The following LPAR1 variants were observed in gnomAD, a reference collection of about 807,000 sequenced individuals.
LPAR1 encodes LPA receptor 1.
In LPAR1, 5 loss-of-function variants were observed where a neutral mutation model predicts 23.8. That is an observed-to-expected ratio of 0.21 (90% CI 0.11 to 0.44). The LOEUF (loss-of-function observed/expected upper bound fraction) is 0.44, where lower values mean the gene tolerates loss of function less well. Ranked by LOEUF, LPAR1 falls within the 20% of genes least tolerant of loss-of-function variation. The pLI is 0.99. For missense variants in LPAR1, 311 were observed against 482.8 expected (o/e 0.64, Z 3.33); for synonymous variants, 160 against 164.7 (o/e 0.97, Z 0.22).
rs530637255 is a variant in LPAR1 at position 110,995,163 on chromosome 9, C to T, written c.-181-21605G>A. On this transcript the variant is annotated intron_variant, in intron 2 of 5. Coordinates refer to ENST00000683809, the MANE Select transcript of LPAR1 (RefSeq NM_001351411.2). ...TGGTACATTATGAAATTTCTTCTGC[C>T]TACCAGTGAGACTAATCTCTTCCAG... 9.2e-5 allele frequency among the ~76,000 whole-genome samples: 14 copies of T among 152,224 alleles called. No homozygotes were observed. The South Asian group carries it at 2.9e-3, about 32-fold the overall frequency.
At chr9:110,888,586 C>T (rs1282039943) in intron 5 of LPAR1, among the ~76,000 whole-genome samples, 1 of 149,902 alleles carries the variant, frequency 6.7e-6, no homozygotes, top group Non-Finnish European at 1.5e-5. Flanking sequence ...AAAAAATCTG[C>T]CTTCATTGAG....
chr9:110,897,247 G>A (rs7029314), intron 5 of LPAR1, among the ~76,000 whole-genome samples: 41,113 of 151,952 alleles, frequency 0.27, 8,500 homozygotes, highest in African/African-American at 0.58. Context: ...GGTCTTGCCC[G>A]TGCTGTTCTC....
chr9:110,977,486 T>A (rs1244304150), intron 2 of LPAR1, among the ~76,000 whole-genome samples: 1 of 152,198 alleles, frequency 6.6e-6, no homozygotes, highest in Non-Finnish European at 1.5e-5. Flanking sequence ...AAACTTCCCT[T>A]TGATTACTTC....
chr9:110,930,899 G>C (rs891014724), intron 5 of LPAR1, among the ~76,000 whole-genome samples: 1 of 152,046 alleles, frequency 6.6e-6, no homozygotes, highest in African/African-American at 2.4e-5. Flanking sequence ...TGGGCAACAA[G>C]AGCGAAATTC....
At chr9:110,942,207 A>G (rs1446381758) in intron 4 of LPAR1, 39 bp from the exon 5 acceptor site, 1 of 1,556,368 alleles carries the variant, frequency 6.4e-7, no homozygotes, top group Non-Finnish European at 8.7e-7. Context: ...AAAAGAAGGC[A>G]CAGGTCCAAA....
intron 5 of LPAR1, among the ~76,000 whole-genome samples, chr9:110,938,212 C>G (rs139362902): frequency 6.6e-6 from 1 of 152,296 alleles, no homozygotes; most frequent in East Asian, 1.9e-4. Flanking sequence ...AAGACAAATA[C>G]TAAAAACCAA....
intron 3 of LPAR1, among the ~76,000 whole-genome samples, 154 bp from the exon 4 acceptor site, chr9:110,972,374 A>G (rs1038601436): frequency 2.0e-5 from 3 of 152,190 alleles, no homozygotes; most frequent in African/African-American, 4.8e-5. Flanking sequence ...GCTAAGGTCT[A>G]AAAGCCACGA....
chr9:110,916,908 CT>C (rs78208410), intron 5 of LPAR1, among the ~76,000 whole-genome samples: 1,740 of 135,692 alleles, frequency 0.013, 17 homozygotes, highest in African/African-American at 0.031. Context: ...AAAATAAAGT[CT>C]TTTTTTTTTT....
At chr9:110,903,093 T>C (rs146017859) in intron 5 of LPAR1, among the ~76,000 whole-genome samples, 3 of 152,268 alleles carry the variant, frequency 2.0e-5, no homozygotes, top group East Asian at 1.9e-4. Flanking sequence ...CCTAACAGCA[T>C]AGCCAAATTC....
At chr9:111,015,639 C>T (rs2097429131) in intron 2 of LPAR1, among the ~76,000 whole-genome samples, 2 of 152,092 alleles carry the variant, frequency 1.3e-5, no homozygotes, top group African/African-American at 4.8e-5. Context: ...CTGAGATCCA[C>T]TGCACAGCAG....
intron 2 of LPAR1, among the ~76,000 whole-genome samples, chr9:110,989,035 C>A (rs2096845708): frequency 6.6e-6 from 1 of 152,020 alleles, no homozygotes; most frequent in Non-Finnish European, 1.5e-5. Flanking sequence ...TCAAAAAAGG[C>A]CACAAATCTA....
chr9:110,986,780 G>A (rs78256718), intron 2 of LPAR1, among the ~76,000 whole-genome samples: 1 of 151,060 alleles, frequency 6.6e-6, no homozygotes, highest in Admixed American at 6.6e-5. Flanking sequence ...CAACAGCAGA[G>A]AGTTCTCTTA....
intron 5 of LPAR1, among the ~76,000 whole-genome samples, chr9:110,896,926 T>C (rs915563222): frequency 2.0e-5 from 3 of 151,876 alleles, no homozygotes; most frequent in Non-Finnish European, 4.4e-5. Context: ...TAGCTGGGAC[T>C]ACAGGCGCCT....
chr9:110,913,225 T>C (rs1466264268), intron 5 of LPAR1, among the ~76,000 whole-genome samples: 1 of 152,186 alleles, frequency 6.6e-6, no homozygotes, highest in Non-Finnish European at 1.5e-5. Context: ...AGATACCTCT[T>C]GTTTACATAA....
intron 4 of LPAR1, among the ~76,000 whole-genome samples, chr9:110,944,849 AT>A (rs2095315760): frequency 6.6e-6 from 1 of 152,216 alleles, no homozygotes; most frequent in African/African-American, 2.4e-5. Flanking sequence ...TCGAAACTCA[AT>A]TTTATCATCT....
intron 5 of LPAR1, among the ~76,000 whole-genome samples, chr9:110,935,583 G>A (rs568446253): frequency 6.6e-6 from 1 of 152,266 alleles, no homozygotes; most frequent in East Asian, 1.9e-4. Flanking sequence ...GAGCTCACGA[G>A]TTCAACACCA....
chr9:110,900,416 C>T (rs1372771678), intron 5 of LPAR1, among the ~76,000 whole-genome samples: 1 of 152,132 alleles, frequency 6.6e-6, no homozygotes, highest in Non-Finnish European at 1.5e-5. Flanking sequence ...TTCTCACTCC[C>T]ACCATGTTAA....
At chr9:110,984,814 A>AG (rs143455690) in intron 2 of LPAR1, among the ~76,000 whole-genome samples, 1 of 150,812 alleles carries the variant, frequency 6.6e-6, no homozygotes, top group African/African-American at 2.5e-5. Context: ...AAAAAAAAAA[A>AG]GCTATACAGT....
At chr9:111,021,615 TA>T (rs1327655209) in intron 2 of LPAR1, among the ~76,000 whole-genome samples, 3 of 151,940 alleles carry the variant, frequency 2.0e-5, no homozygotes, top group Non-Finnish European at 4.4e-5. Flanking sequence ...TCTGAAAGGA[TA>T]AAAAAAATTA....
Sources: gnomAD v4.1 joint callset for allele counts (sites outside exome capture counted in the v4.1 genomes callset) on GRCh38, gnomAD v4.1.1 for gene constraint, MANE v1.5 for transcripts, NCBI Gene and HGNC (gene_info 2026-07-23, HGNC 2026-07-21) for gene names.